Variants in MAPK4 observed in about 807,000 individuals in gnomAD.
The protein encoded by MAPK4 is mitogen-activated protein kinase 4, also known as Erk3-related.
A neutral mutation model predicts 47.7 loss-of-function variants in MAPK4; 22 were observed. The observed-to-expected ratio is 0.46, with a 90% confidence interval of 0.33 to 0.66. The LOEUF (loss-of-function observed/expected upper bound fraction) is 0.66, where lower values mean the gene tolerates loss of function less well. Ranked by LOEUF, MAPK4 falls within the 30% of genes least tolerant of loss-of-function variation. The pLI, the probability that MAPK4 is intolerant of heterozygous loss-of-function variation, is 0.02. For missense variants in MAPK4, 736 were observed against 831.7 expected, an observed-to-expected ratio of 0.88 and a Z score of 1.42; for synonymous variants, 390 against 365.7, an observed-to-expected ratio of 1.07 and a Z score of -0.76.
At chr18:50,673,387 G>T (rs1301603904) in intron 2 of MAPK4, among the ~76,000 whole-genome samples, 2 of 152,276 alleles carry the variant, frequency 1.3e-5, no homozygotes, top group African/African-American at 2.4e-5. Context: ...ACCTCCTGTG[G>T]CAAGTGCCAA....
chr18:50,695,383 C>A (rs1909454199), intron 2 of MAPK4, among the ~76,000 whole-genome samples: 1 of 147,500 alleles, frequency 6.8e-6, no homozygotes, highest in Non-Finnish European at 1.5e-5. Context: ...CAAGTCTTAG[C>A]ACATCAGGGA....
chr18:50,689,030 G>A (rs1390370338), intron 2 of MAPK4, among the ~76,000 whole-genome samples: 1 of 151,994 alleles, frequency 6.6e-6, no homozygotes, highest in Non-Finnish European at 1.5e-5. Context: ...AGGCTGAGGC[G>A]GGCGGATCAC....
chr18:50,625,603 G>T (rs947123965), intron 1 of MAPK4, among the ~76,000 whole-genome samples: 1 of 152,140 alleles, frequency 6.6e-6, no homozygotes, highest in Non-Finnish European at 1.5e-5. Flanking sequence ...AGAGAGGGAA[G>T]ACATGCTCAG....
intron 1 of MAPK4, among the ~76,000 whole-genome samples, chr18:50,661,698 A>AT (rs2043173649): frequency 1.3e-5 from 2 of 152,222 alleles, no homozygotes; most frequent in Non-Finnish European, 2.9e-5. Context: ...TCCCAGTCAA[A>AT]TAAGGTGAGG....
rs1911378529 is a variant in MAPK4 at position 50,729,219 on chromosome 18, G to A, written c.1129G>A (p.Glu377Lys). 1 of 1,601,250 alleles carries A rather than the reference G, an allele frequency of 6.2e-7. No homozygotes were observed. The highest frequency in any genetic ancestry group is 1.3e-5 in the African/African-American group (1 of 74,792). ...WRPDRCQDASEVQRDPRAGSA... is the reference protein window; with the variant it reads ...WRPDRCQDASKVQRDPRAGSA... Reference sequence around the variant, plus strand: ...GCCTGACCGGTGCCAGGACGCCAGCGAGGTACAGCGCGACCCGCGCGCGGG... The same window carrying A: ...GCCTGACCGGTGCCAGGACGCCAGCAAGGTACAGCGCGACCCGCGCGCGGG... The change falls in exon 6 of 6, where the codon GAG becomes AAG. Residue 377 changes from glutamate to lysine, a missense_variant. By Grantham distance (56) the Glu-to-Lys change is moderately conservative. This residue lies in a region of MAPK4 where 377 missense variants were observed against 378.6 expected (regional missense o/e 1.00). Coordinates refer to ENST00000400384, the MANE Select transcript of MAPK4 (RefSeq NM_002747.4).
chr18:50,727,822 G>A (rs1347112617), intron 5 of MAPK4, among the ~76,000 whole-genome samples: 1 of 152,210 alleles, frequency 6.6e-6, no homozygotes, highest in Non-Finnish European at 1.5e-5. Context: ...CTCTTGGAAT[G>A]CTAGTTTCCC....
At chr18:50,620,562 C>T (rs2042722770) in intron 1 of MAPK4, among the ~76,000 whole-genome samples, 1 of 152,062 alleles carries the variant, frequency 6.6e-6, no homozygotes, top group Admixed American at 6.5e-5. Context: ...GGAGTGTTGC[C>T]AGACAGTTAA....
At chr18:50,694,889 G>A (rs1387523298) in intron 2 of MAPK4, among the ~76,000 whole-genome samples, 1 of 152,206 alleles carries the variant, frequency 6.6e-6, no homozygotes, top group Non-Finnish European at 1.5e-5. Flanking sequence ...TGAAAAGTCT[G>A]TGCTGGGTAT....
intron 4 of MAPK4, among the ~76,000 whole-genome samples, chr18:50,723,864 C>CAAA (rs34529419): frequency 7.6e-6 from 1 of 132,052 alleles, no homozygotes; most frequent in Non-Finnish European, 1.6e-5. Flanking sequence ...GACCCTGTCT[C>CAAA]AAAAAAAAAA....
chr18:50,578,059 CAG>C (rs1490094498), intron 1 of MAPK4, among the ~76,000 whole-genome samples: 2 of 152,226 alleles, frequency 1.3e-5, no homozygotes, highest in Non-Finnish European at 2.9e-5. Flanking sequence ...CAGGGTTCAA[CAG>C]AGAGCTCCCT....
At chr18:50,698,949 C>A (rs573610598) in intron 2 of MAPK4, among the ~76,000 whole-genome samples, 168 of 152,046 alleles carry the variant, frequency 1.1e-3, no homozygotes, top group African/African-American at 3.9e-3. Flanking sequence ...CACTTGAACC[C>A]AAGAGGCAGA....
At chr18:50,569,820 A>G (rs894427442) in intron 1 of MAPK4, among the ~76,000 whole-genome samples, 1 of 152,214 alleles carries the variant, frequency 6.6e-6, no homozygotes, top group Non-Finnish European at 1.5e-5. Context: ...TCTTGATTCC[A>G]TGAGGCCGTC....
At chr18:50,648,330 G>A (rs1303665901) in intron 1 of MAPK4, among the ~76,000 whole-genome samples, 2 of 152,166 alleles carry the variant, frequency 1.3e-5, no homozygotes, top group African/African-American at 4.8e-5. Context: ...ATTCTGTGTG[G>A]CTGTGGTGTG....
At chr18:50,728,652 G>A (rs753948815) in intron 5 of MAPK4, among the ~76,000 whole-genome samples, 2 of 152,270 alleles carry the variant, frequency 1.3e-5, no homozygotes, top group Middle Eastern at 3.4e-3. Flanking sequence ...GCACTCACTG[G>A]AGCCTTGCTC....
chr18:50,656,733 C>T (rs2043113826), intron 1 of MAPK4, among the ~76,000 whole-genome samples: 1 of 152,078 alleles, frequency 6.6e-6, no homozygotes, highest in African/African-American at 2.4e-5. Flanking sequence ...ACAGTTGGCC[C>T]CTGAATGTTC....
At chr18:50,726,845 T>G (rs1598963786) in intron 5 of MAPK4, among the ~76,000 whole-genome samples, 2 of 141,278 alleles carry the variant, frequency 1.4e-5, no homozygotes, top group East Asian at 2.2e-4. Flanking sequence ...GGTTGCAGAG[T>G]GAGACCCTGT....
At chr18:50,620,564 GAC>G (rs1241409573) in intron 1 of MAPK4, among the ~76,000 whole-genome samples, 1 of 152,096 alleles carries the variant, frequency 6.6e-6, no homozygotes, top group Non-Finnish European at 1.5e-5. Context: ...AGTGTTGCCA[GAC>G]AGTTAAATAT....
chr18:50,563,854 G>C (rs1290287285), intron 1 of MAPK4, among the ~76,000 whole-genome samples: 1 of 152,152 alleles, frequency 6.6e-6, no homozygotes, highest in African/African-American at 2.4e-5. Flanking sequence ...AAACCAATCT[G>C]TCATCGGTCA....
At chr18:50,704,506 G>C in intron 2 of MAPK4, 1 of 398,574 alleles carries the variant, frequency 2.5e-6, no homozygotes, top group Non-Finnish European at 4.4e-6. Context: ...ACAATCATGT[G>C]TGTCTCTCTC....
Sources: allele counts gnomAD v4.1 joint callset (sites outside exome capture counted in the v4.1 genomes callset), GRCh38; gene constraint gnomAD v4.1.1; regional missense constraint gnomAD v4.1.1; transcripts MANE v1.5; gene names NCBI Gene and HGNC (gene_info 2026-07-23, HGNC 2026-07-21).